Variants in NTN1 observed in about 807,000 individuals in gnomAD.
The protein encoded by NTN1 is netrin-1.
In NTN1, 11 loss-of-function variants were observed where a neutral mutation model predicts 54.2. The observed-to-expected ratio is 0.20, with a 90% confidence interval of 0.13 to 0.34. NTN1 has a LOEUF of 0.34. Ranked by LOEUF, NTN1 falls within the 10% of genes least tolerant of loss-of-function variation. NTN1 has a pLI of 1.00. For synonymous variants in NTN1, 371 were observed against 382.0 expected, an observed-to-expected ratio of 0.97 and a Z score of 0.33; for missense variants, 740 against 893.1, an observed-to-expected ratio of 0.83 and a Z score of 2.18.
chr17:9,136,798 T>C (rs1455062725), intron 2 of NTN1, among the ~76,000 whole-genome samples: 1 of 149,804 alleles, frequency 6.7e-6, no homozygotes, highest in Non-Finnish European at 1.5e-5. Context: ...GGACCAGAGG[T>C]CAAGCCCTCA....
chr17:9,027,293 T>C (rs1367109082), intron 2 of NTN1, among the ~76,000 whole-genome samples: 2 of 152,210 alleles, frequency 1.3e-5, no homozygotes, highest in Admixed American at 1.3e-4. Flanking sequence ...GACTTACTCT[T>C]TGCCAAGCGC....
At chr17:9,202,569 A>G (rs138443844) in intron 5 of NTN1, among the ~76,000 whole-genome samples, 3,479 of 152,274 alleles carry the variant, frequency 0.023, 51 homozygotes, top group Middle Eastern at 0.075. Context: ...GGGGGACTTC[A>G]GTATCTACCA....
At chr17:9,091,285 G>A (rs570109363) in intron 2 of NTN1, among the ~76,000 whole-genome samples, 10 of 151,986 alleles carry the variant, frequency 6.6e-5, no homozygotes, top group Non-Finnish European at 1.0e-4. Context: ...ACAGGGTCTC[G>A]CCCTCTCCCC....
chr17:9,026,560 G>C (rs967365540), intron 2 of NTN1, among the ~76,000 whole-genome samples: 3 of 152,144 alleles, frequency 2.0e-5, no homozygotes, highest in Non-Finnish European at 2.9e-5. Context: ...ATTGTGTAAA[G>C]AAGTACCCAT....
intron 2 of NTN1, among the ~76,000 whole-genome samples, chr17:9,143,138 G>A (rs1597504115): frequency 6.6e-6 from 1 of 152,342 alleles, no homozygotes; most frequent in South Asian, 2.1e-4. Context: ...CATCTGCCCT[G>A]TGTGGCTTTG....
At position 9,026,849 on chromosome 17, in the gene NTN1, C is replaced by T. The variant is rs374365707; in HGVS notation, c.1018+3458C>T. On this transcript the variant is annotated intron_variant, in intron 2 of 6. Transcript: ENST00000173229. ...CCTGCCTGGCTTGTGACAGGTCGAG[C>T]TTATGAAAACTTGTTTTGCGACTCA... 5.7e-4 allele frequency among the ~76,000 whole-genome samples: 87 copies of T among 152,162 alleles called. 2 individuals carry two copies. Among genetic ancestry groups the T allele is most frequent in the African/African-American group, 2.0e-3 (85 of 41,518 alleles).
chr17:9,205,216 A>G (rs956277918), intron 5 of NTN1, among the ~76,000 whole-genome samples: 4 of 152,200 alleles, frequency 2.6e-5, no homozygotes, highest in African/African-American at 9.6e-5. Flanking sequence ...GAGGGGCAGG[A>G]AGCCTCATGG....
rs1905346172 is a variant in NTN1 at position 9,221,304 on chromosome 17, G to T, written c.1486+62G>T. 1.0e-5 allele frequency: 14 copies of T among 1,356,282 alleles called. No homozygotes were observed. Among genetic ancestry groups the T allele is most frequent in the Non-Finnish European group, 1.5e-5 (14 of 945,984 alleles). 84.0% of individuals were successfully genotyped at this position (1,356,282 alleles called of 1,614,324 possible). On this transcript the variant is annotated intron_variant, in intron 6 of 6. Transcript: ENST00000173229. The surrounding 1 kb of genome is among the most constrained non-coding windows in gnomAD (Gnocchi z 4.5). ...GGGGCCACGTGACCAGCGAGGTGCT[G>T]GGGCTGGGGTGCAGCTGGCCCCCGA...
At chr17:9,181,013 G>A (rs901996903) in intron 4 of NTN1, among the ~76,000 whole-genome samples, 1 of 152,186 alleles carries the variant, frequency 6.6e-6, no homozygotes, top group Non-Finnish European at 1.5e-5. Context: ...CAGGGAATTA[G>A]GAGTTCTCAG....
the NTN1 span, among the ~76,000 whole-genome samples, chr17:9,012,220 A>T: frequency 2.3e-4 from 35 of 152,012 alleles, no homozygotes; most frequent in Admixed American, 1.3e-4. Context: ...CATTACTTAA[A>T]CAAGCTCTGG....
At chr17:9,200,746 G>T (rs1904758748) in intron 5 of NTN1, among the ~76,000 whole-genome samples, 1 of 152,208 alleles carries the variant, frequency 6.6e-6, no homozygotes, top group Non-Finnish European at 1.5e-5. Flanking sequence ...CCTGGGCTAG[G>T]TGCTGGGGTT....
chr17:9,239,608 G>A lies in NTN1; in HGVS notation c.1487-32G>A, dbSNP rs111885121. On this transcript the variant is annotated intron_variant, in intron 6 of 6. Coordinates refer to ENST00000173229, the MANE Select transcript of NTN1 (RefSeq NM_004822.3). The surrounding 1 kb of genome is among the most constrained non-coding windows in gnomAD (Gnocchi z 5.2). ...GGGCGGACCTAGCCACAGCAGCTGG[G>A]AGCCCACCCGTCTGCCTGTGCTTCC... 2.1e-5 allele frequency: 34 copies of A among 1,594,214 alleles called. 1 individual carries two copies. The African/African-American group carries it at 2.4e-4, about 11-fold the overall frequency.
In NTN1 at chr17:9,193,565, C is replaced by A. The variant is rs116479201; in HGVS notation, c.1411+10596C>A. Among the ~76,000 whole-genome samples the A allele has an allele frequency of 5.1e-3, 781 of 152,270 alleles. 6 individuals carry two copies. Among genetic ancestry groups the A allele is most frequent in the African/African-American group, 0.018 (738 of 41,556 alleles). On this transcript the variant is annotated intron_variant, in intron 5 of 6. Coordinates refer to ENST00000173229, the MANE Select transcript of NTN1 (RefSeq NM_004822.3). The stretch of plus-strand genomic sequence containing the variant: ...TATCATTTGATACATAGTCCATATT[C>A]AGCACTTCTTGGTTCTCCCCCAAAT...
intron 2 of NTN1, among the ~76,000 whole-genome samples, chr17:9,095,440 T>C (rs1207388599): frequency 6.6e-6 from 1 of 152,244 alleles, no homozygotes; most frequent in South Asian, 2.1e-4. Flanking sequence ...TAAAATGATC[T>C]GATGTAAGGT....
chr17:9,044,872 G>A (rs574653595), intron 2 of NTN1, among the ~76,000 whole-genome samples: 1 of 152,218 alleles, frequency 6.6e-6, no homozygotes, highest in South Asian at 2.1e-4. Context: ...GAGTAAAAGC[G>A]GGGGGTCACA....
At chr17:9,011,150 G>A in the NTN1 span, among the ~76,000 whole-genome samples, 11 of 152,154 alleles carry the variant, frequency 7.2e-5, no homozygotes, top group Non-Finnish European at 1.5e-4. Context: ...GTGGTAATGC[G>A]AGCGATGGGG....
intron 5 of NTN1, among the ~76,000 whole-genome samples, chr17:9,204,310 T>C (rs796801229): frequency 1.8e-4 from 21 of 116,638 alleles, no homozygotes; most frequent in South Asian, 2.7e-4. Flanking sequence ...CTCTCTCTCT[T>C]TCTTTCTGAC....
chr17:9,131,564 A>G (rs888518502), intron 2 of NTN1, among the ~76,000 whole-genome samples: 1 of 147,830 alleles, frequency 6.8e-6, no homozygotes, highest in African/African-American at 2.5e-5. Flanking sequence ...TGTTTCGGCC[A>G]TGGTATTCCC....
intron 2 of NTN1, among the ~76,000 whole-genome samples, chr17:9,139,414 C>T (rs947978707): frequency 6.6e-6 from 1 of 152,148 alleles, no homozygotes; most frequent in African/African-American, 2.4e-5. Context: ...TGAGGCAATG[C>T]ACCAAGCAAA....
Sources: gnomAD v4.1 joint callset for allele counts (sites outside exome capture counted in the v4.1 genomes callset) on GRCh38, gnomAD v4.1.1 for gene constraint, Gnocchi (gnomAD v3.1) non-coding constraint, MANE v1.5 for transcripts, NCBI Gene and HGNC (gene_info 2026-07-23, HGNC 2026-07-21) for gene names.